Variants in ZFAT observed in about 807,000 individuals in gnomAD.
The protein encoded by ZFAT is zinc finger and AT-hook domain containing.
ZFAT carries 64 observed loss-of-function variants against 117.7 expected under a neutral mutation model. The observed-to-expected ratio is 0.54, with a 90% CI of 0.44 to 0.67. The LOEUF is 0.67. ZFAT is among the 30% of genes least tolerant of loss of function. The pLI, the probability that ZFAT is intolerant of heterozygous loss-of-function variation, is 0.00. For missense variants in ZFAT, 1,433 were observed against 1,584.5 expected (o/e 0.90, Z 1.62); for synonymous variants, 679 against 615.0 (o/e 1.10, Z -1.54).
intron 6 of ZFAT, 160 bp from the exon 7 acceptor site, chr8:134,600,828 C>T: frequency 1.5e-6 from 1 of 645,698 alleles, no homozygotes; most frequent in Admixed American, 3.5e-5. Flanking sequence ...GAAAATTACT[C>T]TTCAAAGGTG....
Position 134,647,578 on chromosome 8 carries a change from T to C in ZFAT, c.197-9866A>G, listed in dbSNP as rs527669501. The stretch of plus-strand genomic sequence containing the variant: ...AGCATGCAAAGTAAAATGGAAGGAG[T>C]AGAACTGTCTCTGTTTGTAGATGAC... On this transcript the variant is annotated intron_variant, in intron 2 of 15. Coordinates refer to ENST00000377838, the MANE Select transcript of ZFAT (RefSeq NM_020863.4). Among the ~76,000 whole-genome samples, 138 of 151,918 alleles carry C rather than the reference T, an allele frequency of 9.1e-4. 1 individual carries two copies. Among genetic ancestry groups the C allele is most frequent in the Middle Eastern group, 3.4e-3 (1 of 294 alleles).
At chr8:134,483,547 G>C (rs183019032) in intron 15 of ZFAT, among the ~76,000 whole-genome samples, 2 of 152,110 alleles carry the variant, frequency 1.3e-5, no homozygotes, top group Non-Finnish European at 2.9e-5. Context: ...ATTAGCACAG[G>C]CTTAAAATTG....
chr8:134,587,042 G>A (rs1012456284), intron 9 of ZFAT, among the ~76,000 whole-genome samples: 1 of 152,210 alleles, frequency 6.6e-6, no homozygotes, highest in African/African-American at 2.4e-5. Context: ...GCATAGGACT[G>A]CCATTAGCAT....
chr8:134,695,877 G>GTACC (rs1364942654), intron 1 of ZFAT, among the ~76,000 whole-genome samples: 1 of 148,520 alleles, frequency 6.7e-6, no homozygotes, highest in Non-Finnish European at 1.5e-5. Flanking sequence ...AAACAAGGAG[G>GTACC]TACCACCACC....
At chr8:134,818,031 A>G in the ZFAT span, among the ~76,000 whole-genome samples, 10 of 152,358 alleles carry the variant, frequency 6.6e-5, no homozygotes, top group East Asian at 9.6e-4. Flanking sequence ...TAGAAAACCT[A>G]AAACTACAGG....
At chr8:134,783,790 G>A in the ZFAT span, 3 of 152,202 alleles carry the variant, frequency 2.0e-5, no homozygotes, top group Non-Finnish European at 2.9e-5. Flanking sequence ...GAGCAGGACA[G>A]GCTTCCAGTT....
chr8:134,532,985 TGAG>T lies in ZFAT; in HGVS notation c.2977-16_2977-14del, dbSNP rs762396500. On this transcript the variant is annotated splice_polypyrimidine_tract_variant and intron_variant, in intron 11 of 15. Coordinates refer to ENST00000377838, the MANE Select transcript of ZFAT (RefSeq NM_020863.4). ...CACAGCGGAAAGGCTGCGGGGACAA[TGAG>T]GAGGGGTTAGGAAAGGTGAGCCCCA... 9 of 1,591,914 alleles carry T rather than the reference TGAG, an allele frequency of 5.7e-6. No individual in the cohort carries two copies. The Admixed American group carries it at 1.2e-4, about 22-fold the overall frequency.
intron 2 of ZFAT, among the ~76,000 whole-genome samples, chr8:134,642,261 T>G (rs1159422065): frequency 6.6e-6 from 1 of 152,152 alleles, no homozygotes; most frequent in African/African-American, 2.4e-5. Context: ...TAAGAAAAGG[T>G]CAGCACTACA....
intron 7 of ZFAT, chr8:134,599,969 T>C: frequency 2.7e-6 from 1 of 375,210 alleles, no homozygotes; most frequent in South Asian, 2.1e-5. Context: ...CTAAAATAAA[T>C]AACACAAAAC....
At chr8:134,653,156 T>G (rs1831354574) in intron 2 of ZFAT, among the ~76,000 whole-genome samples, 1 of 86,322 alleles carries the variant, frequency 1.2e-5, no homozygotes, top group South Asian at 3.2e-4. Context: ...TTTGGTGGGG[T>G]TTTTTTTTTC....
intron 3 of ZFAT, among the ~76,000 whole-genome samples, chr8:134,626,342 T>A (rs1312134915): frequency 6.6e-6 from 1 of 152,200 alleles, no homozygotes; most frequent in Non-Finnish European, 1.5e-5. Context: ...AGCTGGAAAG[T>A]CCAAGGGTCC....
intron 9 of ZFAT, among the ~76,000 whole-genome samples, chr8:134,585,050 G>C (rs185560126): frequency 7.9e-5 from 12 of 152,282 alleles, no homozygotes; most frequent in Admixed American, 3.3e-4. Flanking sequence ...CTAACCATAA[G>C]TGTCAACAGG....
intron 14 of ZFAT, among the ~76,000 whole-genome samples, chr8:134,511,688 A>G (rs1819855114): frequency 6.6e-6 from 1 of 152,182 alleles, no homozygotes; most frequent in African/African-American, 2.4e-5. Context: ...GGTATGAAAC[A>G]TTAACTTGTG....
chr8:134,624,216 A>ACCCC (rs961525437), intron 3 of ZFAT, among the ~76,000 whole-genome samples: 2 of 146,180 alleles, frequency 1.4e-5, no homozygotes, highest in African/African-American at 4.9e-5. Context: ...ACACACACAC[A>ACCCC]CACCCTTAAC....
intron 1 of ZFAT, among the ~76,000 whole-genome samples, chr8:134,689,456 T>C (rs1833491742): frequency 6.6e-6 from 1 of 152,192 alleles, no homozygotes; most frequent in African/African-American, 2.4e-5. Context: ...ATCAACACCA[T>C]GGTGGGTGAG....
At chr8:134,719,649 A>G in the ZFAT span, among the ~76,000 whole-genome samples, 33 of 152,194 alleles carry the variant, frequency 2.2e-4, no homozygotes, top group African/African-American at 7.7e-4. Flanking sequence ...CATGATTTTA[A>G]TATTGGTTGG....
At chr8:134,537,659 A>G (rs1266932628) in intron 11 of ZFAT, among the ~76,000 whole-genome samples, 1 of 151,422 alleles carries the variant, frequency 6.6e-6, no homozygotes, top group East Asian at 1.9e-4. Flanking sequence ...ATCACTCTGG[A>G]TACCTGGAAG....
intron 7 of ZFAT, among the ~76,000 whole-genome samples, chr8:134,596,761 C>T (rs992567972): frequency 1.4e-4 from 22 of 152,120 alleles, no homozygotes; most frequent in African/African-American, 5.1e-4. Context: ...TCACAAAAGA[C>T]TGTATTGAAT....
the ZFAT span, among the ~76,000 whole-genome samples, chr8:134,827,199 G>A: frequency 6.6e-6 from 1 of 152,154 alleles, no homozygotes; most frequent in South Asian, 2.1e-4. Context: ...CTACAGGCGT[G>A]TGCCACCACA....
Sources: allele counts gnomAD v4.1 joint callset (sites outside exome capture counted in the v4.1 genomes callset), GRCh38; gene constraint gnomAD v4.1.1; transcripts MANE v1.5; gene names NCBI Gene and HGNC (gene_info 2026-07-23, HGNC 2026-07-21).